THSD7B: variants seen among roughly 807,000 people sequenced by gnomAD.
The protein encoded by THSD7B is thrombospondin type-1 domain-containing protein 7B.
In THSD7B, 138 loss-of-function variants were observed where a neutral mutation model predicts 213.6. That is an observed-to-expected ratio of 0.65 (90% CI 0.56 to 0.74). The LOEUF (loss-of-function observed/expected upper bound fraction) is 0.74. Ranked by LOEUF, THSD7B falls within the 30% of genes least tolerant of loss-of-function variation. The pLI is 0.00. For missense variants in THSD7B, 1,931 were observed against 1,991.5 expected (o/e 0.97, Z 0.58); for synonymous variants, 742 against 687.0 (o/e 1.08, Z -1.25).
intron 1 of THSD7B, among the ~76,000 whole-genome samples, chr2:136,839,472 T>G (rs1682891560): frequency 6.6e-6 from 1 of 152,182 alleles, no homozygotes; most frequent in South Asian, 2.1e-4. Context: ...AATAATAAAA[T>G]CTCAGAATCT....
intron 7 of THSD7B, among the ~76,000 whole-genome samples, chr2:137,186,315 T>C (rs1680550564): frequency 6.6e-6 from 1 of 152,164 alleles, no homozygotes; most frequent in East Asian, 1.9e-4. Flanking sequence ...AAAGCCCGTG[T>C]TGTGAAGGGT....
intron 17 of THSD7B, among the ~76,000 whole-genome samples, chr2:137,608,094 C>T (rs1304031556): frequency 5.9e-5 from 9 of 152,302 alleles, no homozygotes; most frequent in African/African-American, 1.9e-4. Flanking sequence ...TTCCAATTAA[C>T]TCTAAATCTG....
At chr2:137,561,681 T>G (rs1195835613) in intron 15 of THSD7B, among the ~76,000 whole-genome samples, 1 of 152,148 alleles carries the variant, frequency 6.6e-6, no homozygotes, top group Non-Finnish European at 1.5e-5. Flanking sequence ...TATCTCTTCA[T>G]TTTTATAGAT....
intron 2 of THSD7B, among the ~76,000 whole-genome samples, chr2:136,979,672 T>G (rs1685541514): frequency 6.6e-6 from 1 of 152,188 alleles, no homozygotes; most frequent in African/African-American, 2.4e-5. Context: ...GGTTAACAGC[T>G]CTTGTAATGT....
At chr2:137,190,818 G>T (rs543281794) in intron 7 of THSD7B, among the ~76,000 whole-genome samples, 3 of 152,234 alleles carry the variant, frequency 2.0e-5, no homozygotes, top group African/African-American at 7.2e-5. Context: ...TTTCCCTCGT[G>T]TGGAGAGTTG....
At chr2:136,829,256 A>C (rs982729548) in intron 1 of THSD7B, among the ~76,000 whole-genome samples, 5 of 151,898 alleles carry the variant, frequency 3.3e-5, no homozygotes, top group African/African-American at 1.2e-4. Context: ...CTTGAAGATC[A>C]GTGTACCTTT....
chr2:137,195,209 G>A (rs1347455632), intron 7 of THSD7B, among the ~76,000 whole-genome samples: 1 of 150,536 alleles, frequency 6.6e-6, no homozygotes, highest in African/African-American at 2.5e-5. Flanking sequence ...CCTGCATATA[G>A]CTATTTGTAT....
chr2:137,074,766 T>C (rs1037561502), intron 3 of THSD7B, among the ~76,000 whole-genome samples: 3 of 152,204 alleles, frequency 2.0e-5, no homozygotes, highest in Admixed American at 6.5e-5. Context: ...CAGGAGCTCT[T>C]TTAGGGCAGG....
intron 5 of THSD7B, among the ~76,000 whole-genome samples, chr2:137,117,441 T>A (rs1322698199): frequency 6.6e-6 from 1 of 152,182 alleles, no homozygotes; most frequent in Non-Finnish European, 1.5e-5. Context: ...ATTTTTAGCA[T>A]TTCAGTTTCT....
At chr2:137,277,864 C>T (rs1206995494) in intron 12 of THSD7B, among the ~76,000 whole-genome samples, 1 of 152,022 alleles carries the variant, frequency 6.6e-6, no homozygotes, top group African/African-American at 2.4e-5. Flanking sequence ...AAAGCTGGAG[C>T]TCTGAAAGTC....
intron 14 of THSD7B, among the ~76,000 whole-genome samples, chr2:137,433,047 T>C (rs570152332): frequency 6.6e-6 from 1 of 152,320 alleles, no homozygotes; most frequent in African/African-American, 2.4e-5. Flanking sequence ...TATATAGTAT[T>C]AAACAAGACA....
intron 14 of THSD7B, among the ~76,000 whole-genome samples, chr2:137,416,792 C>G (rs1686808763): frequency 2.6e-5 from 4 of 152,184 alleles, no homozygotes. Flanking sequence ...GCACAGAAAA[C>G]CTTGTTCTAT....
chr2:137,598,426 A>G (rs1021615189), intron 17 of THSD7B, among the ~76,000 whole-genome samples: 4 of 152,320 alleles, frequency 2.6e-5, no homozygotes, highest in African/African-American at 9.6e-5. Context: ...GACCCAGTGT[A>G]CAGATTCTGC....
At chr2:137,403,933 A>C (rs1293611432) in intron 12 of THSD7B, among the ~76,000 whole-genome samples, 3 of 152,186 alleles carry the variant, frequency 2.0e-5, no homozygotes, top group African/African-American at 4.8e-5. Context: ...CACAAAAAAA[A>C]CTGTCCAATC....
At chr2:137,089,232 G>T (rs1184549883) in intron 3 of THSD7B, among the ~76,000 whole-genome samples, 2 of 149,470 alleles carry the variant, frequency 1.3e-5, no homozygotes, top group African/African-American at 5.0e-5. Context: ...ATCAATGAGT[G>T]GATAAAGAAA....
intron 9 of THSD7B, among the ~76,000 whole-genome samples, chr2:137,239,519 C>T (rs769129628): frequency 4.6e-5 from 7 of 152,182 alleles, no homozygotes; most frequent in Admixed American, 1.3e-4. Context: ...AAGTATATAT[C>T]ACTGGCCCTT....
chr2:137,057,130 T>C lies in THSD7B; in HGVS notation c.850T>C (p.Tyr284His). ...GCGAGTCACCTTTAAACATCAAAGT[T>C]ACAAAGCACATCATCATTCGAAGTC... is the stretch of plus-strand genomic sequence containing the variant. Reference protein sequence around the residue: ...NERVTFKHQSYKAHHHSKSWA... With the variant: ...NERVTFKHQSHKAHHHSKSWA... Residue 284 changes from tyrosine (Y) to histidine (H), a missense_variant, in exon 3 of 28, where the codon TAC becomes CAC. By Grantham distance (83) the Tyr-to-His change is moderately conservative. Coordinates refer to ENST00000409968, the MANE Select transcript of THSD7B (RefSeq NM_001316349.2). The C allele has an allele frequency of 6.2e-7, 1 of 1,613,972 alleles. No individual in the cohort carries two copies. The highest frequency in any genetic ancestry group is 8.5e-7 in the Non-Finnish European group (1 of 1,179,874).
At chr2:137,333,816 TACA>T (rs1341612848) in intron 12 of THSD7B, among the ~76,000 whole-genome samples, 1 of 152,174 alleles carries the variant, frequency 6.6e-6, no homozygotes, top group African/African-American at 2.4e-5. Flanking sequence ...ATCCTAATGC[TACA>T]GCAGCCACAA....
chr2:137,176,517 A>G (rs868216261), intron 7 of THSD7B, among the ~76,000 whole-genome samples: 8 of 152,194 alleles, frequency 5.3e-5, no homozygotes, highest in Non-Finnish European at 1.0e-4. Context: ...ATGCATTTGT[A>G]TTAGCAATGC....
Sources: gnomAD v4.1 joint callset for allele counts (sites outside exome capture counted in the v4.1 genomes callset) on GRCh38, gnomAD v4.1.1 for gene constraint, MANE v1.5 for transcripts, NCBI Gene and HGNC (gene_info 2026-07-23, HGNC 2026-07-21) for gene names.